Variants in LRRTM4 observed in about 807,000 individuals in gnomAD.
LRRTM4 encodes the protein leucine rich repeat transmembrane neuronal 4.
In LRRTM4, 25 loss-of-function variants were observed where a neutral mutation model predicts 47.6. The ratio of observed to expected loss-of-function variants is 0.53; its 90% CI spans 0.38 to 0.73. The LOEUF is 0.73. Ranked by LOEUF, LRRTM4 falls within the 30% of genes least tolerant of loss-of-function variation. LRRTM4 has a pLI of 0.00. For synonymous variants in LRRTM4, 311 were observed against 269.5 expected, an observed-to-expected ratio of 1.15 and a Z score of -1.51; for missense variants, 638 against 713.4, an observed-to-expected ratio of 0.89 and a Z score of 1.20.
At chr2:77,052,166 T>C (rs1480388503) in intron 3 of LRRTM4, among the ~76,000 whole-genome samples, 1 of 144,540 alleles carries the variant, frequency 6.9e-6, no homozygotes, top group Non-Finnish European at 1.5e-5. Context: ...TTTTTTTTTT[T>C]TTTTTTTGAG....
intron 3 of LRRTM4, among the ~76,000 whole-genome samples, chr2:77,336,214 AGGG>A (rs1229832452): frequency 5.3e-5 from 8 of 149,754 alleles, no homozygotes; most frequent in African/African-American, 2.0e-4. Context: ...GAAGGAAGGA[AGGG>A]AGAAAGGAAA....
intron 3 of LRRTM4, among the ~76,000 whole-genome samples, chr2:77,105,355 G>A (rs1671066551): frequency 6.6e-6 from 1 of 151,972 alleles, no homozygotes; most frequent in Non-Finnish European, 1.5e-5. Context: ...GCCCTTTATA[G>A]GGACATGGAT....
intron 3 of LRRTM4, among the ~76,000 whole-genome samples, chr2:76,820,316 C>T (rs1517772): frequency 0.38 from 57,034 of 151,520 alleles, 11,857 homozygotes; most frequent in East Asian, 0.69. Flanking sequence ...TTTTACATTC[C>T]GTCCCTAGGC....
intron 3 of LRRTM4, among the ~76,000 whole-genome samples, chr2:76,822,066 T>A (rs903155083): frequency 1.3e-5 from 2 of 151,620 alleles, no homozygotes; most frequent in Non-Finnish European, 3.0e-5. Flanking sequence ...CATGAAAATA[T>A]TTAGTAAAAT....
At chr2:77,210,009 T>A (rs1004980399) in intron 3 of LRRTM4, among the ~76,000 whole-genome samples, 2 of 152,210 alleles carry the variant, frequency 1.3e-5, no homozygotes, top group African/African-American at 4.8e-5. Flanking sequence ...CTAGATTTAC[T>A]GAGCATTACA....
chr2:77,373,885 TA>T (rs1325138052), intron 3 of LRRTM4, among the ~76,000 whole-genome samples: 1 of 151,792 alleles, frequency 6.6e-6, no homozygotes, highest in East Asian at 1.9e-4. Context: ...GAAAAGCCTA[TA>T]TTTTTTTCTT....
chr2:77,519,372 G>A lies in LRRTM4; in HGVS notation c.497C>T (p.Ser166Phe). 1 of 1,613,382 alleles carries A rather than the reference G, an allele frequency of 6.2e-7. No individual in the cohort carries two copies. The highest frequency in any genetic ancestry group is 8.5e-7 in the Non-Finnish European group (1 of 1,179,576). Residue 166 changes from serine to phenylalanine, a missense_variant, in exon 3 of 4, where the codon TCT becomes TTT. Coordinates refer to ENST00000409884, the MANE Select transcript of LRRTM4 (RefSeq NM_001134745.3). This position sits in a 1 kb window ranked among gnomAD's most constrained non-coding sequence, Gnocchi z 4.6. ...LRKLIILHLRSNSLKTVPIRV... is the reference protein window; with the variant it reads ...LRKLIILHLRFNSLKTVPIRV... ...TATGGGCACAGTCTTTAGTGAGTTAGATCTCAAGTGCAAAATGATGAGTTT... is the reference window on the plus strand; with the variant it reads ...TATGGGCACAGTCTTTAGTGAGTTAAATCTCAAGTGCAAAATGATGAGTTT...
At chr2:77,475,337 A>C (rs970153054) in intron 3 of LRRTM4, among the ~76,000 whole-genome samples, 1 of 152,096 alleles carries the variant, frequency 6.6e-6, no homozygotes, top group African/African-American at 2.4e-5. Context: ...AAAGCACTTC[A>C]AACTTTCAAC....
chr2:76,854,298 G>A (rs1672083933), intron 3 of LRRTM4, among the ~76,000 whole-genome samples: 1 of 152,090 alleles, frequency 6.6e-6, no homozygotes, highest in African/African-American at 2.4e-5. Flanking sequence ...CCTTCTGGAA[G>A]GATTTTGACT....
intron 3 of LRRTM4, among the ~76,000 whole-genome samples, chr2:77,004,101 A>G (rs1677540697): frequency 6.6e-6 from 1 of 152,178 alleles, no homozygotes; most frequent in South Asian, 2.1e-4. Flanking sequence ...TAGAGCATAA[A>G]AGTTTGAAAA....
At chr2:77,083,783 C>CTTTTTTTTTTTTTTTTTTTTTTTTTTT (rs386390525) in intron 3 of LRRTM4, among the ~76,000 whole-genome samples, 1 of 52,346 alleles carries the variant, frequency 1.9e-5, no homozygotes, top group Non-Finnish European at 4.2e-5. Flanking sequence ...ACTGGACACA[C>CTTTTTTTTTTTTTTTTTTTTTTTTTTT]TTTTTTTTTT....
intron 3 of LRRTM4, among the ~76,000 whole-genome samples, chr2:76,859,552 T>A (rs1672252710): frequency 6.6e-6 from 1 of 152,210 alleles, no homozygotes; most frequent in South Asian, 2.1e-4. Flanking sequence ...TTAATTCCTG[T>A]ATCCCTAACC....
intron 3 of LRRTM4, among the ~76,000 whole-genome samples, chr2:76,794,390 C>T (rs1408341996): frequency 6.6e-6 from 1 of 152,054 alleles, no homozygotes; most frequent in African/African-American, 2.4e-5. Flanking sequence ...CACTACAGTC[C>T]CTAAATACTG....
chr2:76,982,704 C>T (rs561782591), intron 3 of LRRTM4, among the ~76,000 whole-genome samples: 27 of 151,548 alleles, frequency 1.8e-4, no homozygotes, highest in African/African-American at 5.8e-4. Flanking sequence ...GTCTGAAAGC[C>T]GAAGAGATGA....
At chr2:77,435,730 G>A (rs140020581) in intron 3 of LRRTM4, among the ~76,000 whole-genome samples, 1 of 152,080 alleles carries the variant, frequency 6.6e-6, no homozygotes, top group Non-Finnish European at 1.5e-5. Flanking sequence ...CTCAATTCAA[G>A]ATGTTAATAG....
intron 3 of LRRTM4, among the ~76,000 whole-genome samples, chr2:77,266,716 A>G (rs747170968): frequency 1.3e-5 from 2 of 152,106 alleles, no homozygotes; most frequent in South Asian, 4.1e-4. Context: ...TTCTGACTGC[A>G]GGAAGCAGGA....
chr2:77,407,910 T>C (rs1308270600), intron 3 of LRRTM4, among the ~76,000 whole-genome samples: 4 of 151,428 alleles, frequency 2.6e-5, no homozygotes, highest in Non-Finnish European at 4.4e-5. Flanking sequence ...GAAATAGTGA[T>C]TATCAAATAA....
intron 3 of LRRTM4, among the ~76,000 whole-genome samples, chr2:77,271,916 GACTTT>G (rs1358737546): frequency 2.0e-5 from 3 of 152,062 alleles, no homozygotes; most frequent in African/African-American, 4.8e-5. Context: ...TCAAACATAA[GACTTT>G]ACTTAAGTGT....
chr2:77,357,019 G>A (rs1001130707), intron 3 of LRRTM4, among the ~76,000 whole-genome samples: 2 of 151,982 alleles, frequency 1.3e-5, no homozygotes, highest in African/African-American at 4.8e-5. Flanking sequence ...GGCATCCTAA[G>A]TTATTAGTGA....
Sources: gnomAD v4.1 joint callset for allele counts (sites outside exome capture counted in the v4.1 genomes callset) on GRCh38, gnomAD v4.1.1 for gene constraint, Gnocchi (gnomAD v3.1) non-coding constraint, MANE v1.5 for transcripts, NCBI Gene and HGNC (gene_info 2026-07-23, HGNC 2026-07-21) for gene names.